FGGY: variants seen among roughly 807,000 people sequenced by gnomAD.
FGGY encodes the protein FGGY carbohydrate kinase domain containing.
In FGGY, 72 loss-of-function variants were observed where a neutral mutation model predicts 71.3. The observed-to-expected ratio is 1.01, with a 90% CI of 0.84 to 1.23. The LOEUF is 1.23. FGGY is among the 50% of genes most tolerant of loss of function. The pLI is 0.00. For missense variants in FGGY, 668 were observed against 682.3 expected (o/e 0.98, Z 0.23); for synonymous variants, 251 against 250.3 (o/e 1.00, Z -0.02).
intron 7 of FGGY, among the ~76,000 whole-genome samples, chr1:59,533,914 C>T (rs904774542): frequency 2.8e-4 from 43 of 152,184 alleles, no homozygotes; most frequent in Non-Finnish European, 5.9e-4. Flanking sequence ...AACTCTGAAA[C>T]GCAGAGCGCC....
chr1:59,307,778 G>A (rs1035036242), intron 1 of FGGY, among the ~76,000 whole-genome samples: 1 of 92,014 alleles, frequency 1.1e-5, no homozygotes, highest in Non-Finnish European at 2.1e-5. Context: ...TAGTGTATTT[G>A]ACAAGGATTA....
chr1:59,721,337 G>GTTTTTTTTTTTTTTTTTTTTTTTTTTTTT lies in FGGY; in HGVS notation c.1513-36575_1513-36574insTTTTTTTTTTTTTTTTTTTTTTTTTTTTT, dbSNP rs71046339. On this transcript the variant is annotated intron_variant, in intron 14 of 15. Transcript: ENST00000303721. ...AGAGAGTTTTTCTTTTCTTTCCTTT[G>GTTTTTTTTTTTTTTTTTTTTTTTTTTTTT]TTTTTTTTTTTTTTTTTTTGAGACG... Among the ~76,000 whole-genome samples, 18 of 105,370 alleles carry GTTTTTTTTTTTTTTTTTTTTTTTTTTTTT rather than the reference G, an allele frequency of 1.7e-4. 2 individuals are homozygous for GTTTTTTTTTTTTTTTTTTTTTTTTTTTTT. Among genetic ancestry groups the GTTTTTTTTTTTTTTTTTTTTTTTTTTTTT allele is most frequent in the East Asian group, 6.4e-4 (2 of 3,124 alleles). 69.1% of individuals were successfully genotyped at this position (105,370 alleles called of 152,430 possible). A position where few individuals can be genotyped will look rare whatever the true frequency, so the allele number is the denominator to read the frequency against.
chr1:59,755,081 A>G (rs1028830382), intron 14 of FGGY: 6 of 152,176 alleles, frequency 3.9e-5, no homozygotes, highest in Admixed American at 1.3e-4. Flanking sequence ...GCAGTAAACC[A>G]ACAGCTCTTT....
chr1:59,365,374 G>A (rs1316602487), intron 4 of FGGY, among the ~76,000 whole-genome samples: 1 of 152,114 alleles, frequency 6.6e-6, no homozygotes, highest in Non-Finnish European at 1.5e-5. Context: ...CCTGGTCCCA[G>A]TCTTTGACTT....
At chr1:59,589,338 G>A (rs1331735453) in intron 8 of FGGY, among the ~76,000 whole-genome samples, 1 of 152,014 alleles carries the variant, frequency 6.6e-6, no homozygotes, top group Non-Finnish European at 1.5e-5. Context: ...AATAATAATG[G>A]GAGACTTTAA....
chr1:59,557,401 A>G (rs1182254329), intron 8 of FGGY, among the ~76,000 whole-genome samples: 1 of 152,206 alleles, frequency 6.6e-6, no homozygotes, highest in African/African-American at 2.4e-5. Flanking sequence ...TAGATCACCC[A>G]AAAAGAATAA....
chr1:59,297,057 C>CTCCTCCTCCCCT (rs1348858717), upstream of FGGY: 2 of 154,412 alleles, frequency 1.3e-5, no homozygotes, highest in Non-Finnish European at 2.9e-5. Context: ...CCTCCCCTGC[C>CTCCTCCTCCCCT]TCCTCCTCCC....
chr1:59,473,270 C>T (rs1055819949), intron 6 of FGGY, among the ~76,000 whole-genome samples: 3 of 151,790 alleles, frequency 2.0e-5, no homozygotes, highest in East Asian at 1.9e-4. Flanking sequence ...ACTCCAGACG[C>T]GCCGGCTTAA....
intron 1 of FGGY, among the ~76,000 whole-genome samples, chr1:59,302,284 A>G (rs1203451132): frequency 2.0e-5 from 3 of 152,182 alleles, no homozygotes; most frequent in Non-Finnish European, 4.4e-5. Flanking sequence ...CTGGCCTCGT[A>G]GAATGAATTA....
intron 13 of FGGY, among the ~76,000 whole-genome samples, chr1:59,670,224 C>G (rs915140190): frequency 1.3e-5 from 2 of 152,226 alleles, no homozygotes; most frequent in Non-Finnish European, 2.9e-5. Context: ...CAAAGCTGCC[C>G]TCTTCCTCTC....
At chr1:59,736,656 T>G (rs968942386) in intron 14 of FGGY, among the ~76,000 whole-genome samples, 7 of 152,224 alleles carry the variant, frequency 4.6e-5, no homozygotes, top group African/African-American at 1.7e-4. Flanking sequence ...AAGAAATTTC[T>G]AAGCAGCAAA....
At chr1:59,300,441 CAG>C (rs2042588336) in intron 1 of FGGY, among the ~76,000 whole-genome samples, 1 of 152,122 alleles carries the variant, frequency 6.6e-6, no homozygotes, top group African/African-American at 2.4e-5. Context: ...CTTGTCTCAA[CAG>C]TGTCTTTTGA....
In FGGY at chr1:59,512,308, C is replaced by G. The variant is rs778165553; in HGVS notation, c.671-3C>G. The G allele has an allele frequency of 6.2e-7, 1 of 1,604,750 alleles. No individual in the cohort carries two copies. Among genetic ancestry groups the G allele is most frequent in the South Asian group, 1.1e-5 (1 of 89,756 alleles). The stretch of plus-strand genomic sequence containing the variant: ...GTGTTTGTTTTTTCTCATGTCTACC[C>G]AGGAAACCAAGTGCTACCTCCTGGA... On this transcript the variant is annotated splice_polypyrimidine_tract_variant and splice_region_variant and intron_variant, in intron 6 of 15. Coordinates refer to ENST00000303721, the MANE Select transcript of FGGY (RefSeq NM_018291.5).
intron 9 of FGGY, among the ~76,000 whole-genome samples, chr1:59,612,663 A>C (rs1452384222): frequency 6.6e-6 from 1 of 152,254 alleles, no homozygotes; most frequent in African/African-American, 2.4e-5. Context: ...CCTTATATGT[A>C]AATGGGCTAA....
chr1:59,679,312 AT>A (rs56238250), intron 14 of FGGY, among the ~76,000 whole-genome samples: 11,167 of 147,864 alleles, frequency 0.076, 513 homozygotes, highest in Middle Eastern at 0.16. Flanking sequence ...ACTTTCTGTG[AT>A]TTTTTTTTTT....
chr1:59,391,617 C>T (rs929499217), intron 5 of FGGY, among the ~76,000 whole-genome samples: 1 of 152,148 alleles, frequency 6.6e-6, no homozygotes, highest in African/African-American at 2.4e-5. Flanking sequence ...GTGACCTCGA[C>T]GATTATGATG....
intron 4 of FGGY, among the ~76,000 whole-genome samples, chr1:59,351,543 T>A (rs1447794647): frequency 6.6e-6 from 1 of 152,198 alleles, no homozygotes; most frequent in Non-Finnish European, 1.5e-5. Flanking sequence ...AGGATAGAGA[T>A]CATATCCACC....
chr1:59,570,421 C>G lies in FGGY; in HGVS notation c.903+16194C>G, dbSNP rs72917774. On this transcript the variant is annotated intron_variant, in intron 8 of 15. Coordinates refer to ENST00000303721, the MANE Select transcript of FGGY (RefSeq NM_018291.5). ...AGTTTGAGAATCAGTCAGTTCCTGC[C>G]AGATTTGGAGCACACTGAGGAATCC... 6.9e-3 allele frequency among the ~76,000 whole-genome samples: 1,057 copies of G among 152,208 alleles called. 11 individuals are homozygous for G. Among genetic ancestry groups the G allele is most frequent in the African/African-American group, 0.024 (991 of 41,514 alleles).
intron 6 of FGGY, among the ~76,000 whole-genome samples, chr1:59,480,299 C>T (rs1378481089): frequency 1.3e-5 from 2 of 152,120 alleles, no homozygotes; most frequent in African/African-American, 4.8e-5. Context: ...GATCTCTGAC[C>T]TCAGTTGCCC....
Sources: gnomAD v4.1 joint callset for allele counts (sites outside exome capture counted in the v4.1 genomes callset) on GRCh38, gnomAD v4.1.1 for gene constraint, MANE v1.5 for transcripts, NCBI Gene and HGNC (gene_info 2026-07-23, HGNC 2026-07-21) for gene names.